ANO2: variants seen among roughly 807,000 people sequenced by gnomAD.
ANO2 encodes anoctamin-2.
ANO2 carries 101 observed loss-of-function variants against 124.2 expected under a neutral mutation model. The ratio of observed to expected loss-of-function variants is 0.81; its 90% CI spans 0.69 to 0.96. ANO2 has a LOEUF of 0.96. Ranked by LOEUF, ANO2 falls within the 40% of genes least tolerant of loss-of-function variation. The pLI, the probability that ANO2 is intolerant of heterozygous loss-of-function variation, is 0.00. For synonymous variants in ANO2, 486 were observed against 482.5 expected (o/e 1.01, Z -0.09); for missense variants, 1,293 against 1,274.5 (o/e 1.01, Z -0.22).
At chr12:5,758,316 AG>A (rs1259026062) in intron 10 of ANO2, among the ~76,000 whole-genome samples, 2 of 152,218 alleles carry the variant, frequency 1.3e-5, no homozygotes, top group Non-Finnish European at 2.9e-5. Flanking sequence ...TTTAATTGTG[AG>A]GGGCAGAGGG....
chr12:5,933,916 T>C (rs959245001), intron 1 of ANO2, among the ~76,000 whole-genome samples: 1 of 152,222 alleles, frequency 6.6e-6, no homozygotes, highest in African/African-American at 2.4e-5. Flanking sequence ...GCCTTTTTTA[T>C]CTCTGTATTC....
intron 16 of ANO2, among the ~76,000 whole-genome samples, chr12:5,633,003 A>G (rs1455510502): frequency 6.6e-6 from 1 of 152,102 alleles, no homozygotes; most frequent in African/African-American, 2.4e-5. Flanking sequence ...AAAAATCTTC[A>G]GTGGTGCTAG....
chr12:5,565,608 G>A lies in ANO2; in HGVS notation c.2677C>T (p.Gln893Ter). 6.2e-7 allele frequency: 1 copy of A among 1,606,396 alleles called. No individual in the cohort carries two copies. The highest frequency in any genetic ancestry group is 1.1e-5 in the South Asian group (1 of 89,202). The change falls in exon 24 of 25, where the codon CAG becomes TAG. Residue 893 changes from glutamine (Q) to a stop codon, truncating the protein, a stop_gained. Coordinates refer to ENST00000682330, the MANE Select transcript of ANO2 (RefSeq NM_001364791.2). LOFTEE classifies it high-confidence loss of function. ...WAPNPYEFSK[Q>*]YWFILSARLA... ...CGGGCGGACAGAATAAACCAGTACTGTTTCGAAAACTCATAAGGGTTCGGG... is the reference window on the plus strand; with the variant it reads ...CGGGCGGACAGAATAAACCAGTACTATTTCGAAAACTCATAAGGGTTCGGG...
intron 16 of ANO2, among the ~76,000 whole-genome samples, chr12:5,627,038 G>A (rs1463111997): frequency 6.6e-6 from 1 of 152,160 alleles, no homozygotes; most frequent in Admixed American, 6.5e-5. Context: ...CTCATGTCTG[G>A]GAAGGAATTC....
chr12:5,590,566 G>A (rs907045205), intron 20 of ANO2, among the ~76,000 whole-genome samples: 4 of 152,158 alleles, frequency 2.6e-5, no homozygotes, highest in East Asian at 1.9e-4. Flanking sequence ...TTGAAGTCTC[G>A]AGACAAGCCT....
chr12:5,640,628 T>C (rs1202511568), intron 15 of ANO2, among the ~76,000 whole-genome samples: 1 of 152,158 alleles, frequency 6.6e-6, no homozygotes, highest in African/African-American at 2.4e-5. Flanking sequence ...GAAAAAATGC[T>C]CATCATCACT....
At chr12:5,676,490 A>G (rs1948249971) in intron 14 of ANO2, among the ~76,000 whole-genome samples, 1 of 152,196 alleles carries the variant, frequency 6.6e-6, no homozygotes, top group South Asian at 2.1e-4. Flanking sequence ...TACACCCACA[A>G]GCACACACAT....
chr12:5,770,747 G>A (rs1952053957), intron 10 of ANO2, among the ~76,000 whole-genome samples: 1 of 152,058 alleles, frequency 6.6e-6, no homozygotes, highest in Admixed American at 6.6e-5. Flanking sequence ...TATATCACAG[G>A]TAGAAGAAAA....
At chr12:5,770,797 C>T (rs1952055560) in intron 10 of ANO2, among the ~76,000 whole-genome samples, 1 of 152,234 alleles carries the variant, frequency 6.6e-6, no homozygotes, top group South Asian at 2.1e-4. Context: ...CCTGTTGCAT[C>T]TGGCCCCTCT....
rs755091880 is a variant in ANO2, at chr12:5,806,066, T to C, written c.976A>G (p.Met326Val). 4 of 1,613,886 alleles carry C rather than the reference T, an allele frequency of 2.5e-6. No homozygotes were observed. Among genetic ancestry groups the C allele is most frequent in the South Asian group, 1.1e-5 (1 of 91,024 alleles). The change falls in exon 9 of 25, where the codon ATG becomes GTG. Residue 326 changes from methionine to valine, a missense_variant. Physicochemically the swap from Met to Val is conservative, Grantham distance 21 (BLOSUM62 1). Coordinates refer to ENST00000682330, the MANE Select transcript of ANO2 (RefSeq NM_001364791.2). ...DGEYDSPEDD[M>V]NDRKLLYQEW... ...GGCAGGCTTACCTTCCTGTCATTCA[T>C]ATCGTCCTCTGGACTATCGTATTCA...
intron 14 of ANO2, among the ~76,000 whole-genome samples, chr12:5,708,920 A>G (rs1949712136): frequency 6.6e-6 from 1 of 152,194 alleles, no homozygotes; most frequent in African/African-American, 2.4e-5. Flanking sequence ...ATGATGATAT[A>G]AATAATTACT....
chr12:5,567,000 A>G (rs1591635386), intron 23 of ANO2, among the ~76,000 whole-genome samples: 1 of 152,208 alleles, frequency 6.6e-6, no homozygotes, highest in East Asian at 1.9e-4. Flanking sequence ...GAGATGAGAG[A>G]AGAAGAGAAG....
intron 10 of ANO2, among the ~76,000 whole-genome samples, chr12:5,762,170 TG>T (rs1309116719): frequency 6.6e-6 from 1 of 152,060 alleles, no homozygotes; most frequent in Non-Finnish European, 1.5e-5. Context: ...AATTAAATGA[TG>T]GGTATTCGTT....
intron 20 of ANO2, among the ~76,000 whole-genome samples, chr12:5,579,857 T>C (rs1942643155): frequency 1.3e-5 from 2 of 152,224 alleles, no homozygotes; most frequent in African/African-American, 4.8e-5. Flanking sequence ...GCATACACTC[T>C]GGCTGGCAAG....
chr12:5,842,418 C>T (rs763434029), intron 4 of ANO2, among the ~76,000 whole-genome samples: 3 of 152,174 alleles, frequency 2.0e-5, no homozygotes, highest in Non-Finnish European at 2.9e-5. Context: ...GCAAAGGACG[C>T]AGATCAGGGC....
intron 10 of ANO2, among the ~76,000 whole-genome samples, chr12:5,757,860 T>G (rs1290275528): frequency 6.6e-6 from 1 of 152,192 alleles, no homozygotes; most frequent in African/African-American, 2.4e-5. Context: ...ATAGCTAAAA[T>G]TTTAAAAATT....
At chr12:5,944,498 A>C (rs940624316) in intron 1 of ANO2, among the ~76,000 whole-genome samples, 4 of 152,242 alleles carry the variant, frequency 2.6e-5, no homozygotes, top group Non-Finnish European at 4.4e-5. Context: ...AAGAATTACC[A>C]GAAACACAAC....
chr12:5,788,299 T>C (rs1229924291), intron 10 of ANO2, among the ~76,000 whole-genome samples: 2 of 152,228 alleles, frequency 1.3e-5, no homozygotes, highest in Non-Finnish European at 2.9e-5. Flanking sequence ...TTTGTTATAA[T>C]CTGCTGACCT....
intron 10 of ANO2, among the ~76,000 whole-genome samples, chr12:5,764,878 T>C (rs765194241): frequency 4.6e-5 from 7 of 152,334 alleles, no homozygotes; most frequent in Non-Finnish European, 1.0e-4. Context: ...ATATGATAAA[T>C]TAAAGCTTAC....
Sources: gnomAD v4.1 joint callset for allele counts (sites outside exome capture counted in the v4.1 genomes callset) on GRCh38, gnomAD v4.1.1 for gene constraint, MANE v1.5 for transcripts, NCBI Gene and HGNC (gene_info 2026-07-23, HGNC 2026-07-21) for gene names.